PRKG2: variants seen among roughly 807,000 people sequenced by gnomAD.
PRKG2 encodes the protein protein kinase cGMP-dependent 2.
A neutral mutation model predicts 97.2 loss-of-function variants in PRKG2; 33 were observed. The ratio of observed to expected loss-of-function variants is 0.34; its 90% confidence interval spans 0.26 to 0.45. PRKG2 has a LOEUF of 0.45. Among genes scored for constraint, PRKG2 ranks in the 20% least tolerant of loss-of-function variants. PRKG2 has a pLI of 1.00. For synonymous variants in PRKG2, 330 were observed against 321.8 expected, an observed-to-expected ratio of 1.03 and a Z score of -0.27; for missense variants, 638 against 900.0, an observed-to-expected ratio of 0.71 and a Z score of 3.73.
At chr4:81,131,854 G>A (rs1746210219) in intron 14 of PRKG2, among the ~76,000 whole-genome samples, 1 of 151,976 alleles carries the variant, frequency 6.6e-6, no homozygotes, top group Non-Finnish European at 1.5e-5. Flanking sequence ...TAGCTTTATT[G>A]TCTTGATATT....
intron 2 of PRKG2, among the ~76,000 whole-genome samples, chr4:81,177,242 C>T (rs1472716767): frequency 1.3e-5 from 2 of 152,154 alleles, no homozygotes; most frequent in Non-Finnish European, 2.9e-5. Flanking sequence ...TCATTAAGCA[C>T]TTACTTAGGA....
intron 1 of PRKG2, among the ~76,000 whole-genome samples, chr4:81,208,588 A>G (rs1371779961): frequency 1.1e-4 from 16 of 151,892 alleles, no homozygotes; most frequent in Admixed American, 1.1e-3. Flanking sequence ...TGCTTGACTG[A>G]TTTTTTTTAT....
Position 81,140,672 on chromosome 4 carries a change from A to G in PRKG2, c.1408-3T>C. On this transcript the variant is annotated splice_polypyrimidine_tract_variant and splice_region_variant and intron_variant, in intron 11 of 18. Transcript: ENST00000264399. Reference sequence around the variant, plus strand: ...ACATTCTCATTTTTTACTTTAACCTATGTAAGAAATGGAAAGATACCTCAA... The same window carrying G: ...ACATTCTCATTTTTTACTTTAACCTGTGTAAGAAATGGAAAGATACCTCAA... 7 of 1,600,860 alleles carry G rather than the reference A, an allele frequency of 4.4e-6. No individual in the cohort carries two copies. The highest frequency in any genetic ancestry group is 5.1e-6 in the Non-Finnish European group (6 of 1,168,952).
chr4:81,193,969 A>T (rs1752774539), intron 2 of PRKG2, among the ~76,000 whole-genome samples: 1 of 152,076 alleles, frequency 6.6e-6, no homozygotes, highest in African/African-American at 2.4e-5. Flanking sequence ...GGTACCCCAG[A>T]CCCACCAAAC....
chr4:81,146,608 A>G (rs150053923), intron 9 of PRKG2, among the ~76,000 whole-genome samples: 11 of 152,312 alleles, frequency 7.2e-5, no homozygotes, highest in African/African-American at 2.4e-4. Flanking sequence ...TTCAGTCACT[A>G]TATTTCATTG....
intron 14 of PRKG2, among the ~76,000 whole-genome samples, chr4:81,118,016 C>A (rs1239779838): frequency 6.6e-6 from 1 of 152,200 alleles, no homozygotes; most frequent in Non-Finnish European, 1.5e-5. Flanking sequence ...CTGCCCCAAA[C>A]CCCACCAACC....
At chr4:81,118,366 T>C (rs1177124505) in intron 14 of PRKG2, among the ~76,000 whole-genome samples, 1 of 152,202 alleles carries the variant, frequency 6.6e-6, no homozygotes, top group East Asian at 1.9e-4. Flanking sequence ...GAAACGTGAT[T>C]GTTGGATCAT....
intron 2 of PRKG2, among the ~76,000 whole-genome samples, chr4:81,201,222 A>G (rs181796995): frequency 1.5e-4 from 23 of 152,206 alleles, no homozygotes; most frequent in Non-Finnish European, 3.2e-4. Flanking sequence ...AAAATCCATC[A>G]GATTCAAGCT....
chr4:81,188,902 T>A (rs1167201357), intron 2 of PRKG2, among the ~76,000 whole-genome samples: 1 of 62,100 alleles, frequency 1.6e-5, no homozygotes, highest in Non-Finnish European at 2.4e-5. Context: ...AGGGATAGCA[T>A]TGGGAGATAT....
At chr4:81,135,104 T>G (rs770678976) in intron 14 of PRKG2, 51 bp downstream of exon 14, 4 of 1,501,028 alleles carry the variant, frequency 2.7e-6, no homozygotes, top group Non-Finnish European at 3.6e-6. Flanking sequence ...ACACAACTTT[T>G]GCCAGGGGAA....
intron 4 of PRKG2, among the ~76,000 whole-genome samples, chr4:81,171,304 G>C (rs1750455154): frequency 6.6e-6 from 1 of 151,972 alleles, no homozygotes; most frequent in Non-Finnish European, 1.5e-5. Flanking sequence ...GAGGATAATG[G>C]CTTCCAGCTC....
chr4:81,178,645 T>C (rs1344920789), intron 2 of PRKG2, among the ~76,000 whole-genome samples: 1 of 150,860 alleles, frequency 6.6e-6, no homozygotes, highest in African/African-American at 2.4e-5. Context: ...TATAGGCAGC[T>C]AGAATATATT....
At chr4:81,211,648 C>T (rs1197798736) in intron 1 of PRKG2, among the ~76,000 whole-genome samples, 2 of 152,090 alleles carry the variant, frequency 1.3e-5, no homozygotes, top group African/African-American at 2.4e-5. Context: ...GATACTATTG[C>T]ACCAATCCAA....
At chr4:81,189,063 T>TAAAAAAAAAAAAAAAAAAAAA (rs1401411435) in intron 2 of PRKG2, among the ~76,000 whole-genome samples, 2 of 6,418 alleles carry the variant, frequency 3.1e-4, no homozygotes, top group Non-Finnish European at 2.7e-4. Flanking sequence ...TTAAAAAAAA[T>TAAAAAAAAAAAAAAAAAAAAA]AATAAAAAAA....
intron 6 of PRKG2, among the ~76,000 whole-genome samples, chr4:81,155,173 G>A (rs1442175387): frequency 5.2e-4 from 36 of 69,096 alleles, no homozygotes; most frequent in Admixed American, 2.7e-3. Context: ...GCGAGACTCC[G>A]TCTCAAAAAA....
At chr4:81,156,062 C>T (rs1578437803) in intron 6 of PRKG2, among the ~76,000 whole-genome samples, 2 of 152,028 alleles carry the variant, frequency 1.3e-5, no homozygotes, top group Middle Eastern at 6.8e-3. Flanking sequence ...ATGACAGGAT[C>T]AAATTCACAC....
At chr4:81,105,300 T>G (rs1243150060) in intron 16 of PRKG2, among the ~76,000 whole-genome samples, 1 of 152,098 alleles carries the variant, frequency 6.6e-6, no homozygotes. Context: ...CAGCCTCCCC[T>G]CTCCCTTCCG....
Position 81,089,711 on chromosome 4 carries a change from G to T in PRKG2, c.2286C>A (p.Phe762Leu). The change falls in exon 19 of 19, where the codon TTC (phenylalanine) becomes TTA (leucine). Residue 762 changes from phenylalanine (F) to leucine (L), a missense_variant. Coordinates refer to ENST00000264399, the MANE Select transcript of PRKG2 (RefSeq NM_006259.3). ...GCAGTAATCAACTTTTCTTCTGTCA[G>T]AAGTCTTTATCCCAGCCTGATAGCT... The part of the protein sequence containing the change: ...PDELSGWDKD[F>L] 1 of 1,602,492 alleles carries T rather than the reference G, an allele frequency of 6.2e-7. No homozygotes were observed. Among genetic ancestry groups the T allele is most frequent in the Non-Finnish European group, 8.5e-7 (1 of 1,169,644 alleles).
At chr4:81,172,322 A>T (rs1038095494) in intron 3 of PRKG2, among the ~76,000 whole-genome samples, 2 of 152,104 alleles carry the variant, frequency 1.3e-5, no homozygotes, top group African/African-American at 4.8e-5. Context: ...AATTGTTCAC[A>T]ATGATGGAAT....
Sources: allele counts gnomAD v4.1 joint callset (sites outside exome capture counted in the v4.1 genomes callset), GRCh38; gene constraint gnomAD v4.1.1; transcripts MANE v1.5; gene names NCBI Gene and HGNC (gene_info 2026-07-23, HGNC 2026-07-21).